EIF2AK1: variants seen among roughly 807,000 people sequenced by gnomAD.
EIF2AK1 encodes eukaryotic translation initiation factor 2 alpha kinase 1, also known as eukaryotic translation initiation factor 2-alpha kinase 1.
In EIF2AK1, 54 loss-of-function variants were observed where a neutral mutation model predicts 77.9. The observed-to-expected ratio is 0.69, with a 90% CI of 0.56 to 0.87. The LOEUF (loss-of-function observed/expected upper bound fraction) is 0.87. EIF2AK1 is among the 40% of genes least tolerant of loss of function. EIF2AK1 has a pLI of 0.00. For missense variants in EIF2AK1, 810 were observed against 768.6 expected, an observed-to-expected ratio of 1.05 and a Z score of -0.64; for synonymous variants, 314 against 290.5, an observed-to-expected ratio of 1.08 and a Z score of -0.82.
intron 7 of EIF2AK1, among the ~76,000 whole-genome samples, chr7:6,043,255 T>A (rs534123486): frequency 2.0e-4 from 30 of 152,194 alleles, no homozygotes; most frequent in Admixed American, 3.9e-4. Context: ...CCTCTGGGAC[T>A]CTGCTGTAAC....
chr7:6,024,282 C>T lies in EIF2AK1; in HGVS notation c.*391G>A. The T allele has an allele frequency of 8.3e-7, 1 of 1,211,244 alleles. No individual in the cohort carries two copies. The highest frequency in any genetic ancestry group is 1.0e-6 in the Non-Finnish European group (1 of 957,226). The allele number at this position is 1,211,244 out of a possible 1,614,324, so 75.0% of individuals were successfully genotyped here. On this transcript the variant is annotated 3_prime_UTR_variant, in exon 15 of 15. Coordinates refer to ENST00000199389, the MANE Select transcript of EIF2AK1 (RefSeq NM_014413.4). ...CTGCAGTGTGAAAGGGGCAGGAAGA[C>T]TGGCAGCTGTCAAAACTGGAACAGT... is the stretch of plus-strand genomic sequence containing the variant.
At position 6,027,428 on chromosome 7, in the gene EIF2AK1, T is replaced by A. The variant is rs1032064080; in HGVS notation, c.1531-467A>T. 6.6e-6 allele frequency among the ~76,000 whole-genome samples: 1 copy of A among 152,216 alleles called. No individual in the cohort carries two copies. The highest frequency in any genetic ancestry group is 2.1e-4 in the South Asian group (1 of 4,834). On this transcript the variant is annotated intron_variant, in intron 13 of 14. Transcript: ENST00000199389. This position sits in a 1 kb window ranked among gnomAD's most constrained non-coding sequence, Gnocchi z 4.5. Reference sequence around the variant, plus strand: ...TGTGATACTACTCCTAAAAACAGATTTTTTAGGAAGGTCTTCACTAAACAA... The same window carrying A: ...TGTGATACTACTCCTAAAAACAGATATTTTAGGAAGGTCTTCACTAAACAA...
chr7:6,041,289 A>G, intron 8 of EIF2AK1, 70 bp from the exon 9 acceptor site: 1 of 1,484,782 alleles, frequency 6.7e-7, no homozygotes, highest in Non-Finnish European at 9.0e-7. Flanking sequence ...CTGTAATCCC[A>G]GCACTTTGGG....
chr7:6,038,593 T>C lies in EIF2AK1; in HGVS notation c.1198A>G (p.Lys400Glu), dbSNP rs762373974. The C allele has an allele frequency of 2.5e-6, 4 of 1,613,054 alleles. No homozygotes were observed. The highest frequency in any genetic ancestry group is 3.4e-6 in the Non-Finnish European group (4 of 1,179,536). ...SLWDWIVERN[K>E]RGREYVDESA... ...TCGTCCACATACTCCCGGCCCCGCT[T>C]GTTTCTCTCGACTATCCAATCCCAC... The change falls in exon 10 of 15, where the codon AAG becomes GAG. Residue 400 changes from lysine (K) to glutamate (E), a missense_variant. Physicochemically the swap from Lys to Glu is moderately conservative, Grantham distance 56 (BLOSUM62 1). Around this residue, in one of 3 missense-constraint regions of EIF2AK1, gnomAD observed 549 missense variants for 533.7 expected, o/e 1.03. Coordinates refer to ENST00000199389, the MANE Select transcript of EIF2AK1 (RefSeq NM_014413.4).
At chr7:6,053,665 T>A (rs1039885893) in intron 2 of EIF2AK1, among the ~76,000 whole-genome samples, 2 of 85,680 alleles carry the variant, frequency 2.3e-5, no homozygotes, top group African/African-American at 9.6e-5. Context: ...GCCCAGCCCA[T>A]TCTTTTTTTT....
Position 6,026,892 on chromosome 7 carries a change from C to T in EIF2AK1, c.1600G>A (p.Ala534Thr). 6.2e-7 allele frequency: 1 copy of T among 1,614,158 alleles called. No individual in the cohort carries two copies. Among genetic ancestry groups the T allele is most frequent in the Non-Finnish European group, 8.5e-7 (1 of 1,180,036 alleles). The change falls in exon 14 of 15, where the codon GCA becomes ACA. Residue 534 changes from alanine (A) to threonine (T), a missense_variant. This residue lies in a region of EIF2AK1 where 549 missense variants were observed against 533.7 expected (regional missense o/e 1.03). Transcript: ENST00000199389. ...FQPFGTEMER[A>T]EVLTGLRTGQ... Reference sequence around the variant, plus strand: ...GTTCTTAAACCTGTTAGAACTTCTGCTCGCTCCATTTCTGTTCCAAACGGC... The same window carrying T: ...GTTCTTAAACCTGTTAGAACTTCTGTTCGCTCCATTTCTGTTCCAAACGGC...
At chr7:6,043,587 C>T (rs1358996729) in intron 7 of EIF2AK1, among the ~76,000 whole-genome samples, 1 of 151,798 alleles carries the variant, frequency 6.6e-6, no homozygotes, top group Non-Finnish European at 1.5e-5. Flanking sequence ...CACCACCATG[C>T]CCACCTCATT....
At chr7:6,042,554 T>C (rs910681761) in intron 8 of EIF2AK1, among the ~76,000 whole-genome samples, 10 of 151,306 alleles carry the variant, frequency 6.6e-5, no homozygotes, top group African/African-American at 2.2e-4. Flanking sequence ...CCTGAGCTCC[T>C]TGTAGCAAAA....
intron 2 of EIF2AK1, 130 bp downstream of exon 2, chr7:6,054,416 C>G (rs1377871545): frequency 2.1e-6 from 2 of 972,364 alleles, no homozygotes; most frequent in East Asian, 5.2e-5. Context: ...GTTAGCCAAA[C>G]CGATCTCGAT....
intron 1 of EIF2AK1, among the ~76,000 whole-genome samples, chr7:6,056,334 C>CCTATAATCCCAGCA (rs1788760313): frequency 7.1e-6 from 1 of 141,276 alleles, no homozygotes; most frequent in African/African-American, 2.7e-5. Flanking sequence ...GTGGCTCACG[C>CCTATAATCCCAGCA]CTATAATCCC....
At chr7:6,054,751 C>G in intron 1 of EIF2AK1, 47 bp from the exon 2 acceptor site, 1 of 1,523,838 alleles carries the variant, frequency 6.6e-7, no homozygotes, top group Admixed American at 1.7e-5. Context: ...GTAAACCTGT[C>G]TCATAATGAC....
intron 2 of EIF2AK1, among the ~76,000 whole-genome samples, chr7:6,051,556 A>T (rs948401265): frequency 6.6e-6 from 1 of 151,900 alleles, no homozygotes; most frequent in Admixed American, 6.6e-5. Flanking sequence ...CACCCTCCCA[A>T]GTAGCTGGGA....
Position 6,027,544 on chromosome 7 carries a change from G to A in EIF2AK1, c.1531-583C>T, listed in dbSNP as rs1039109830. ...CATCAAAAGGAAGAAAATTTTACTA[G>A]CCTGTTGTTTTGAAAAATGGATTTT... On this transcript the variant is annotated intron_variant, in intron 13 of 14. Coordinates refer to ENST00000199389, the MANE Select transcript of EIF2AK1 (RefSeq NM_014413.4). This position sits in a 1 kb window ranked among gnomAD's most constrained non-coding sequence, Gnocchi z 4.5. Among the ~76,000 whole-genome samples, 1 of 151,978 alleles carries A rather than the reference G, an allele frequency of 6.6e-6. No homozygotes were observed. Among genetic ancestry groups the A allele is most frequent in the African/African-American group, 2.4e-5 (1 of 41,402 alleles).
At position 6,028,031 on chromosome 7, in the gene EIF2AK1, C is replaced by G. The variant is rs181770292; in HGVS notation, c.1530+584G>C. The G allele has an allele frequency of 2.4e-4, 102 of 430,500 alleles. 1 individual carries two copies. The highest frequency in any genetic ancestry group is 1.0e-3 in the Middle Eastern group (3 of 2,968). 26.7% of individuals were successfully genotyped at this position (430,500 alleles called of 1,614,324 possible). On this transcript the variant is annotated intron_variant, in intron 13 of 14. Coordinates refer to ENST00000199389, the MANE Select transcript of EIF2AK1 (RefSeq NM_014413.4). ...TGAGCTATGATGACACCACTGCAAT[C>G]CAACCTGGGCAACAGAGCAAGACCC... is the stretch of plus-strand genomic sequence containing the variant.
chr7:6,050,137 C>A, intron 2 of EIF2AK1, 92 bp from the exon 3 acceptor site: 1 of 970,058 alleles, frequency 1.0e-6, no homozygotes, highest in Non-Finnish European at 1.5e-6. Flanking sequence ...GTAATAATAG[C>A]AATATATACA....
rs1363394112 is a variant in EIF2AK1 at position 6,027,228 on chromosome 7, T to TG, written c.1531-268_1531-267insC. Among the ~76,000 whole-genome samples, 1 of 152,102 alleles carries TG rather than the reference T, an allele frequency of 6.6e-6. No homozygotes were observed. Among genetic ancestry groups the TG allele is most frequent in the Non-Finnish European group, 1.5e-5 (1 of 68,014 alleles). On this transcript the variant is annotated intron_variant, in intron 13 of 14. Transcript: ENST00000199389. The surrounding 1 kb of genome is among the most constrained non-coding windows in gnomAD (Gnocchi z 4.5). ...CACAGCAGTCACGACCATACAACTG[T>TG]CTTCAGCACCCCTTAACAATCCAGG...
rs1787833719 is a variant in EIF2AK1 at position 6,029,307 on chromosome 7, A to G, written c.1333-275T>C. 2.0e-5 allele frequency among the ~76,000 whole-genome samples: 3 copies of G among 151,610 alleles called. No individual in the cohort carries two copies. The South Asian group carries it at 6.3e-4, about 32-fold the overall frequency. On this transcript the variant is annotated intron_variant, in intron 11 of 14. Transcript: ENST00000199389. Reference sequence around the variant, plus strand: ...CTGAGGTCAGGAGTTCAAGACAAGCATGGCCAACATGGTGAAAAACCGTCT... The same window carrying G: ...CTGAGGTCAGGAGTTCAAGACAAGCGTGGCCAACATGGTGAAAAACCGTCT...
intron 1 of EIF2AK1, among the ~76,000 whole-genome samples, chr7:6,055,472 A>G (rs533667502): frequency 6.6e-6 from 1 of 151,914 alleles, no homozygotes; most frequent in African/African-American, 2.4e-5. Context: ...AAAAAATAAT[A>G]TAAGGTAAGT....
rs374357105 is a variant in EIF2AK1 at position 6,050,033 on chromosome 7, G to A, written c.290C>T (p.Thr97Met). 63 of 1,603,540 alleles carry A rather than the reference G, an allele frequency of 3.9e-5. No individual in the cohort carries two copies. The highest frequency in any genetic ancestry group is 4.9e-5 in the Non-Finnish European group (58 of 1,177,382). The change falls in exon 3 of 15, where the codon ACG becomes ATG. Residue 97 changes from threonine (T) to methionine (M), a missense_variant. Transcript: ENST00000199389. ...SRQVFKLLCQ[T>M]FIKMGLLSSF... ...AGACAGCAGCCCCATTTTGATAAAC[G>A]TCTGGCAAAGTACTATAAAAAGAAT...
Sources: gnomAD v4.1 joint callset for allele counts (sites outside exome capture counted in the v4.1 genomes callset) on GRCh38, gnomAD v4.1.1 for gene constraint, gnomAD v4.1.1 regional missense constraint, Gnocchi (gnomAD v3.1) non-coding constraint, MANE v1.5 for transcripts, NCBI Gene and HGNC (gene_info 2026-07-23, HGNC 2026-07-21) for gene names.